Variants in CARF observed in about 807,000 individuals in gnomAD.
CARF encodes the protein calcium responsive transcription factor.
Under a neutral mutation model 82.0 loss-of-function variants are expected in CARF, and 57 were observed. The observed-to-expected ratio is 0.70, with a 90% CI of 0.56 to 0.87. The LOEUF (loss-of-function observed/expected upper bound fraction) is 0.87. Ranked by LOEUF, CARF falls within the 40% of genes least tolerant of loss-of-function variation. The probability of loss-of-function intolerance (pLI) is 0.00; values close to 1 mark genes in which losing one functional copy is unlikely to be tolerated. For missense variants in CARF, 771 were observed against 855.8 expected (o/e 0.90, Z 1.24); for synonymous variants, 268 against 290.1 (o/e 0.92, Z 0.77).
At chr2:202,967,438 A>G (rs2059601088) in intron 10 of CARF, among the ~76,000 whole-genome samples, 1 of 152,236 alleles carries the variant, frequency 6.6e-6, no homozygotes, top group South Asian at 2.1e-4. Flanking sequence ...ATGAATTCAC[A>G]TAGATTTATT....
At chr2:202,913,987 G>A (rs1439501284) in intron 1 of CARF, among the ~76,000 whole-genome samples, 1 of 152,026 alleles carries the variant, frequency 6.6e-6, no homozygotes, top group African/African-American at 2.4e-5. Context: ...TTTAGTTAAG[G>A]AAAGATTAGT....
intron 5 of CARF, 83 bp downstream of exon 5, chr2:202,943,050 CT>C (rs1442860939): frequency 4.2e-5 from 43 of 1,032,548 alleles, no homozygotes; most frequent in East Asian, 2.2e-4. Context: ...TTTCTTGACA[CT>C]TTTGACTTAC....
At chr2:202,947,838 A>G (rs190092342) in intron 5 of CARF, among the ~76,000 whole-genome samples, 9 of 152,194 alleles carry the variant, frequency 5.9e-5, no homozygotes, top group East Asian at 3.9e-4. Context: ...CTTTTGCTGT[A>G]TAGAAGCTCT....
At chr2:202,980,770 A>G (rs2060231652) in intron 14 of CARF, among the ~76,000 whole-genome samples, 1 of 150,606 alleles carries the variant, frequency 6.6e-6, no homozygotes, top group Non-Finnish European at 1.5e-5. Flanking sequence ...TTTTTTCCCT[A>G]TTATAATCTA....
chr2:202,917,070 G>A (rs979969890), intron 1 of CARF, among the ~76,000 whole-genome samples: 2 of 151,684 alleles, frequency 1.3e-5, no homozygotes, highest in Non-Finnish European at 1.5e-5. Context: ...AATTAGCCGG[G>A]CGTAGTGGCG....
chr2:202,957,469 T>G (rs992965563), intron 8 of CARF, among the ~76,000 whole-genome samples: 1 of 152,178 alleles, frequency 6.6e-6, no homozygotes, highest in Non-Finnish European at 1.5e-5. Context: ...GAATTTTTCT[T>G]TAGCTCTCCC....
Position 202,952,596 on chromosome 2 carries a change from T to C in CARF, c.344T>C (p.Leu115Pro). 6.2e-7 allele frequency: 1 copy of C among 1,613,960 alleles called. No homozygotes were observed. Among genetic ancestry groups the C allele is most frequent in the Non-Finnish European group, 8.5e-7 (1 of 1,179,940 alleles). The change falls in exon 6 of 17, where the codon CTT (leucine) becomes CCT (proline). Residue 115 changes from leucine to proline, a missense_variant. By Grantham distance (98) the Leu-to-Pro change is moderately conservative. Coordinates refer to ENST00000438828, the MANE Select transcript of CARF (RefSeq NM_024744.17). Reference protein sequence around the residue: ...VASPTENGQVLRVIPPTQTGM... With the variant: ...VASPTENGQVPRVIPPTQTGM... ...AGCCCAACAGAAAATGGACAGGTAC[T>C]TCGTGTAATTCCACCTACCCAGACA...
chr2:202,913,772 C>T (rs551008506), intron 1 of CARF, among the ~76,000 whole-genome samples: 8 of 152,124 alleles, frequency 5.3e-5, no homozygotes, highest in African/African-American at 1.7e-4. Flanking sequence ...TATAATTGAC[C>T]AGCAGGTTAA....
intron 6 of CARF, among the ~76,000 whole-genome samples, chr2:202,953,789 C>T (rs1052455013): frequency 6.6e-6 from 1 of 151,702 alleles, no homozygotes; most frequent in Non-Finnish European, 1.5e-5. Context: ...CCTGGCTGTT[C>T]AATATAAATT....
At chr2:202,969,273 G>C (rs2059679147) in intron 10 of CARF, among the ~76,000 whole-genome samples, 1 of 151,966 alleles carries the variant, frequency 6.6e-6, no homozygotes, top group Non-Finnish European at 1.5e-5. Flanking sequence ...GGCCTGGAAG[G>C]AGGCTATTAA....
intron 12 of CARF, chr2:202,973,733 A>G (rs1207605866): frequency 5.7e-6 from 1 of 176,028 alleles, no homozygotes; most frequent in East Asian, 1.8e-4. Context: ...AGTGCCTGAC[A>G]TAGCATTAAA....
intron 5 of CARF, among the ~76,000 whole-genome samples, chr2:202,944,289 T>C (rs1217542479): frequency 1.3e-5 from 2 of 152,208 alleles, no homozygotes; most frequent in Non-Finnish European, 2.9e-5. Context: ...TAGAATATAC[T>C]TAACATAAGT....
At chr2:202,972,227 T>G (rs2059817432) in intron 12 of CARF, among the ~76,000 whole-genome samples, 5 of 152,000 alleles carry the variant, frequency 3.3e-5, no homozygotes, top group Admixed American at 3.3e-4. Context: ...TATAAGTAAT[T>G]ATATAATTAC....
rs1407888467 is a variant in CARF, at chr2:202,971,541, G to T, written c.1134G>T (p.Gln378His). ...YVQLPTQQAHQYHELETPCLT... is the reference protein window; with the variant it reads ...YVQLPTQQAHHYHELETPCLT... ...AGTTACCTACACAGCAAGCTCATCA[G>T]TATCATGAATTAGAGACTCCCTGCC... The change falls in exon 12 of 17, where the codon CAG (glutamine) becomes CAT (histidine). Residue 378 changes from glutamine to histidine, a missense_variant. By Grantham distance (24) the Gln-to-His change is conservative (BLOSUM62 0). Coordinates refer to ENST00000438828, the MANE Select transcript of CARF (RefSeq NM_024744.17). The T allele has an allele frequency of 6.2e-7, 1 of 1,613,448 alleles. No individual in the cohort carries two copies. The highest frequency in any genetic ancestry group is 1.7e-5 in the Admixed American group (1 of 60,016).
intron 5 of CARF, among the ~76,000 whole-genome samples, chr2:202,944,952 A>C (rs1468593919): frequency 6.6e-6 from 1 of 152,194 alleles, no homozygotes; most frequent in Non-Finnish European, 1.5e-5. Context: ...AAGTAAGTAC[A>C]AAGGTGGTTT....
At chr2:202,953,541 T>C (rs991581508) in intron 6 of CARF, among the ~76,000 whole-genome samples, 9 of 145,752 alleles carry the variant, frequency 6.2e-5, no homozygotes, top group Non-Finnish European at 1.4e-4. Flanking sequence ...TTCCCTCTAT[T>C]TGAATCTCTT....
intron 2 of CARF, among the ~76,000 whole-genome samples, chr2:202,923,828 A>G (rs1357182223): frequency 3.9e-5 from 6 of 152,226 alleles, no homozygotes; most frequent in African/African-American, 1.4e-4. Context: ...CCACATACGT[A>G]ACAGCCAACT....
At chr2:202,964,074 T>TATAA (rs141125816) in intron 9 of CARF, among the ~76,000 whole-genome samples, 13,544 of 152,152 alleles carry the variant, frequency 0.089, 728 homozygotes, top group Non-Finnish European at 0.12. Context: ...AAATAAAGAC[T>TATAA]ATAACCTCAC....
intron 3 of CARF, chr2:202,925,966 C>G (rs1298890487): frequency 6.3e-6 from 1 of 157,662 alleles, no homozygotes; most frequent in African/African-American, 2.4e-5. Context: ...AGGGCCCCTT[C>G]CAATCCAGCT....
Sources: allele counts gnomAD v4.1 joint callset (sites outside exome capture counted in the v4.1 genomes callset), GRCh38; gene constraint gnomAD v4.1.1; transcripts MANE v1.5; gene names NCBI Gene and HGNC (gene_info 2026-07-23, HGNC 2026-07-21).